The following CC2D2A variants were observed in gnomAD, a reference collection of about 807,000 sequenced individuals.
CC2D2A encodes the protein coiled-coil and C2 domain containing 2A.
CC2D2A carries 155 observed loss-of-function variants against 212.9 expected under a neutral mutation model. The observed-to-expected ratio is 0.73, with a 90% CI of 0.64 to 0.83. The LOEUF (loss-of-function observed/expected upper bound fraction) is 0.83. CC2D2A is among the 40% of genes least tolerant of loss of function. The pLI is 0.00. For synonymous variants in CC2D2A, 667 were observed against 686.5 expected, an observed-to-expected ratio of 0.97 and a Z score of 0.44; for missense variants, 1,856 against 1,956.2, an observed-to-expected ratio of 0.95 and a Z score of 0.97.
chr4:15,545,712 TGGG>T (rs1560175454), intron 17 of CC2D2A, among the ~76,000 whole-genome samples: 3 of 53,848 alleles, frequency 5.6e-5, no homozygotes, highest in Non-Finnish European at 1.4e-4. Context: ...GCAGTAGAAA[TGGG>T]AAGATGGGAA....
intron 4 of CC2D2A, among the ~76,000 whole-genome samples, chr4:15,484,671 G>T (rs553756306): frequency 6.6e-6 from 1 of 152,280 alleles, no homozygotes; most frequent in Non-Finnish European, 1.5e-5. Flanking sequence ...AAAGCAGGAA[G>T]GTTGCCTCCA....
At chr4:15,511,646 T>C (rs1427673813) in intron 8 of CC2D2A, 2 of 334,900 alleles carry the variant, frequency 6.0e-6, no homozygotes, top group Non-Finnish European at 1.1e-5. Context: ...ACCTGTTTAT[T>C]TTTCTTTTGT....
intron 11 of CC2D2A, among the ~76,000 whole-genome samples, 188 bp downstream of exon 11, chr4:15,516,944 C>CTTTTT (rs397992357): frequency 2.0e-4 from 19 of 95,798 alleles, no homozygotes; most frequent in South Asian, 3.5e-4. Context: ...TGCATCCCTT[C>CTTTTT]TTTTTTTTTT....
At chr4:15,525,523 GA>G (rs939453179) in intron 11 of CC2D2A, among the ~76,000 whole-genome samples, 14 of 148,418 alleles carry the variant, frequency 9.4e-5, no homozygotes, top group East Asian at 2.0e-4. Flanking sequence ...GAATGAAAGA[GA>G]AAAAAAAAAT....
In CC2D2A at chr4:15,482,214, A is replaced by G. The variant is rs1044963763; in HGVS notation, c.247+1387A>G. ...AAAATGTGGTTCTAATCTAAAAGCA[A>G]TGATACAATGAGAGCTGTTATGAAT... is the stretch of plus-strand genomic sequence containing the variant. On this transcript the variant is annotated intron_variant, in intron 4 of 36. Transcript: ENST00000424120. The G allele has an allele frequency of 1.7e-5, 17 of 985,246 alleles. No individual in the cohort carries two copies. The South Asian group carries it at 1.9e-4, about 11-fold the overall frequency. 61.0% of individuals were successfully genotyped at this position (985,246 alleles called of 1,614,324 possible). A position where few individuals can be genotyped will look rare whatever the true frequency, so the allele number is the denominator to read the frequency against.
intron 33 of CC2D2A, 121 bp downstream of exon 33, chr4:15,589,800 C>CACATATATATATATATATATAT (rs1553844304): frequency 2.8e-5 from 9 of 316,368 alleles, no homozygotes; most frequent in East Asian, 7.9e-5. Context: ...TATATATATA[C>CACATATATATATATATATATAT]ACACATATAT....
chr4:15,483,761 G>T (rs569112211), intron 4 of CC2D2A, among the ~76,000 whole-genome samples: 1 of 152,170 alleles, frequency 6.6e-6, no homozygotes, highest in Non-Finnish European at 1.5e-5. Context: ...CTCCACTTTG[G>T]TTGACTCCTT....
At chr4:15,600,990 G>A (rs139924293) in intron 36 of CC2D2A, among the ~76,000 whole-genome samples, 11 of 152,032 alleles carry the variant, frequency 7.2e-5, no homozygotes, top group Non-Finnish European at 1.2e-4. Flanking sequence ...TGCATACTAG[G>A]TACTTTCAAA....
intron 33 of CC2D2A, 58 bp from the exon 34 acceptor site, chr4:15,596,027 C>A: frequency 8.1e-7 from 1 of 1,237,718 alleles, no homozygotes; most frequent in South Asian, 1.6e-5. Context: ...TCCATGCACA[C>A]ATACATGTGC....
chr4:15,476,786 A>C (rs1291884910), intron 2 of CC2D2A, among the ~76,000 whole-genome samples: 4 of 152,080 alleles, frequency 2.6e-5, no homozygotes, highest in African/African-American at 9.7e-5. Flanking sequence ...GTATGTAAAA[A>C]CTCATTAAAG....
chr4:15,479,312 G>A, intron 3 of CC2D2A: 3 of 1,537,050 alleles, frequency 2.0e-6, no homozygotes, highest in Non-Finnish European at 2.6e-6. Flanking sequence ...ATCCCGTGCA[G>A]GGTAAATCTT....
intron 33 of CC2D2A, among the ~76,000 whole-genome samples, chr4:15,590,511 T>A (rs1396458629): frequency 6.6e-6 from 1 of 152,148 alleles, no homozygotes; most frequent in African/African-American, 2.4e-5. Context: ...CAAGACTCCA[T>A]CTCAAAGAAA....
chr4:15,521,137 G>A (rs1444973987), intron 11 of CC2D2A, among the ~76,000 whole-genome samples: 1 of 152,140 alleles, frequency 6.6e-6, no homozygotes, highest in Non-Finnish European at 1.5e-5. Flanking sequence ...TCTTCCAAGG[G>A]CATTTATTGG....
intron 24 of CC2D2A, chr4:15,564,121 G>C (rs367805031): frequency 6.6e-6 from 1 of 152,542 alleles, no homozygotes; most frequent in African/African-American, 2.4e-5. Context: ...TCATCTGTTC[G>C]GAGAAATGTG....
chr4:15,479,462 G>C, intron 3 of CC2D2A: 1 of 735,938 alleles, frequency 1.4e-6, no homozygotes, highest in Admixed American at 2.1e-5. Flanking sequence ...TGAGCCAGCA[G>C]TCACGTGAAG....
intron 33 of CC2D2A, among the ~76,000 whole-genome samples, chr4:15,594,546 G>A (rs528581221): frequency 2.0e-5 from 3 of 152,164 alleles, no homozygotes; most frequent in Admixed American, 2.0e-4. Flanking sequence ...AATGACAATG[G>A]CAGAGGTACA....
At chr4:15,471,058 G>A (rs988128564) in intron 1 of CC2D2A, among the ~76,000 whole-genome samples, 7 of 152,026 alleles carry the variant, frequency 4.6e-5, no homozygotes, top group Non-Finnish European at 7.3e-5. Flanking sequence ...CAAGGCCAGT[G>A]TACATTATAT....
Position 15,563,360 on chromosome 4 carries a change from TG to T in CC2D2A, c.3023del (p.Gly1008AlafsTer2). Reference sequence around the variant, plus strand: ...TCCTGTTCTGTAATCATTAGCATTTTGGGCCTAAGCCTTTTCAAGCTGGCAG... The same window carrying T: ...TCCTGTTCTGTAATCATTAGCATTTTGGCCTAAGCCTTTTCAAGCTGGCAG... Reference protein sequence around the residue: ...VEEEVPNISILGLSLFKLAEQ... With the variant: ...VEEEVPNISIXGLSLFKLAEQ... On this transcript the variant is annotated frameshift_variant, in exon 24 of 37. Transcript: ENST00000424120. LOFTEE classifies it high-confidence loss of function. 6.2e-7 allele frequency: 1 copy of T among 1,600,782 alleles called. No individual in the cohort carries two copies. Among genetic ancestry groups the T allele is most frequent in the East Asian group, 2.2e-5 (1 of 44,470 alleles).
intron 6 of CC2D2A, among the ~76,000 whole-genome samples, chr4:15,509,911 C>T (rs1178545147): frequency 6.6e-6 from 1 of 151,926 alleles, no homozygotes; most frequent in African/African-American, 2.4e-5. Flanking sequence ...GTAAAAATAC[C>T]GTATTTATAG....
Sources: gnomAD v4.1 joint callset for allele counts (sites outside exome capture counted in the v4.1 genomes callset) on GRCh38, gnomAD v4.1.1 for gene constraint, MANE v1.5 for transcripts, NCBI Gene and HGNC (gene_info 2026-07-23, HGNC 2026-07-21) for gene names.